The following AKAP13 variants were observed in gnomAD, a reference collection of about 807,000 sequenced individuals.
AKAP13 encodes A-kinase anchoring protein 13.
In AKAP13, 80 loss-of-function variants were observed where a neutral mutation model predicts 264.5. That is an observed-to-expected ratio of 0.30 (90% CI 0.25 to 0.36). The LOEUF (loss-of-function observed/expected upper bound fraction) is 0.36. Ranked by LOEUF, AKAP13 falls within the 10% of genes least tolerant of loss-of-function variation. AKAP13 has a pLI of 1.00. For missense variants in AKAP13, 3,712 were observed against 3,435.2 expected (o/e 1.08, Z -2.01); for synonymous variants, 1,380 against 1,250.2 (o/e 1.10, Z -2.19).
intron 8 of AKAP13, among the ~76,000 whole-genome samples, chr15:85,604,381 G>A (rs867999334): frequency 1.1e-4 from 16 of 151,840 alleles, no homozygotes; most frequent in South Asian, 2.1e-4. Flanking sequence ...AACCAAGAGA[G>A]GTGATTCATC....
chr15:85,703,628 G>A (rs1367804075), intron 17 of AKAP13, among the ~76,000 whole-genome samples: 5 of 152,144 alleles, frequency 3.3e-5, no homozygotes, highest in Non-Finnish European at 7.4e-5. Context: ...GATCACCTGA[G>A]GTTAGGAGTT....
Position 85,579,151 on chromosome 15 carries a change from G to A in AKAP13, c.1083G>A (p.Glu361=). The A allele has an allele frequency of 1.2e-6, 2 of 1,614,132 alleles. No individual in the cohort carries two copies. The highest frequency in any genetic ancestry group is 1.3e-5 in the African/African-American group (1 of 75,026). Residue 361 remains glutamate (E), a synonymous_variant, in exon 7 of 37, where the codon GAG becomes GAA. Transcript: ENST00000394518. ...CCTGTGATTTGTCAAGCATAGTTGA[G>A]GAGGAGAATACAGACCGTTCCTGTA... ...ESPCDLSSIV[E]EENTDRSCRK...
rs34426976 is a variant in AKAP13 at position 85,732,080 on chromosome 15, C to CAA, written c.7282+1390_7282+1391dup. Among the ~76,000 whole-genome samples, 520 of 114,496 alleles carry CAA rather than the reference C, an allele frequency of 4.5e-3. 3 individuals carry two copies. Among genetic ancestry groups the CAA allele is most frequent in the Middle Eastern group, 0.028 (7 of 246 alleles). The allele number at this position is 114,496 out of a possible 152,430, so 75.1% of individuals were successfully genotyped here. A position where few individuals can be genotyped will look rare whatever the true frequency, so the allele number is the denominator to read the frequency against. On this transcript the variant is annotated intron_variant, in intron 30 of 36. Coordinates refer to ENST00000394518, the MANE Select transcript of AKAP13 (RefSeq NM_007200.5). ...ATTGGGCAACAGAGCGAGACTATCT[C>CAA]AAAAAAAAAAAAAAAAAACGTTTGA...
intron 17 of AKAP13, among the ~76,000 whole-genome samples, chr15:85,697,810 C>T (rs1357695389): frequency 6.6e-6 from 1 of 152,146 alleles, no homozygotes; most frequent in Non-Finnish European, 1.5e-5. Context: ...GGGAGAGCTT[C>T]AGTCTAGAAA....
At chr15:85,695,312 G>T (rs1366697644) in intron 17 of AKAP13, among the ~76,000 whole-genome samples, 2 of 152,208 alleles carry the variant, frequency 1.3e-5, no homozygotes, top group African/African-American at 4.8e-5. Flanking sequence ...GCTGAGGCAG[G>T]AGAATTGCTT....
At chr15:85,413,675 C>T (rs550384236) in intron 1 of AKAP13, among the ~76,000 whole-genome samples, 10 of 152,294 alleles carry the variant, frequency 6.6e-5, no homozygotes, top group Non-Finnish European at 1.2e-4. Context: ...TGTGTCATCA[C>T]GGTTTCAGCT....
intron 1 of AKAP13, among the ~76,000 whole-genome samples, chr15:85,460,433 G>A (rs544603503): frequency 6.9e-4 from 105 of 152,260 alleles, no homozygotes; most frequent in Admixed American, 1.6e-3. Flanking sequence ...CATGAACCCT[G>A]TCACCCCCAG....
At chr15:85,619,513 C>CT (rs930794912) in intron 8 of AKAP13, 11 of 984,840 alleles carry the variant, frequency 1.1e-5, no homozygotes, top group Admixed American at 1.2e-4. Flanking sequence ...CCAGCTTCTA[C>CT]TTTTTTTTAA....
At chr15:85,575,077 C>G in intron 5 of AKAP13, 54 bp from the exon 6 acceptor site, 1 of 1,543,512 alleles carries the variant, frequency 6.5e-7, no homozygotes, top group Non-Finnish European at 8.9e-7. Context: ...GAACGTTAAG[C>G]CTATGCCTGG....
intron 5 of AKAP13, among the ~76,000 whole-genome samples, chr15:85,573,237 C>T (rs1166595214): frequency 6.6e-6 from 1 of 152,132 alleles, no homozygotes; most frequent in Non-Finnish European, 1.5e-5. Context: ...CTCCCAAAAT[C>T]TCAGGGATAC....
intron 1 of AKAP13, among the ~76,000 whole-genome samples, chr15:85,391,051 A>T (rs1034170347): frequency 3.9e-5 from 6 of 152,214 alleles, no homozygotes; most frequent in Admixed American, 2.0e-4. Flanking sequence ...AGTGGGAATT[A>T]GGGATATATA....
rs538251430 is a variant in AKAP13, at chr15:85,618,123, T to C, written c.4162-21251T>C. The stretch of plus-strand genomic sequence containing the variant: ...CTTTTATTTCAGAATAAAGCCTGTA[T>C]GTAGCTGGGGTGTATTAATAGAAAG... On this transcript the variant is annotated intron_variant, in intron 8 of 36. Transcript: ENST00000394518. Among the ~76,000 whole-genome samples the C allele has an allele frequency of 2.0e-5, 3 of 152,336 alleles. No individual in the cohort carries two copies. In the South Asian group the frequency reaches 6.2e-4, roughly 32 times the overall value.
chr15:85,578,452 A>G (rs1056876623), intron 6 of AKAP13, among the ~76,000 whole-genome samples: 7 of 152,026 alleles, frequency 4.6e-5, no homozygotes, highest in Admixed American at 1.3e-4. Flanking sequence ...GGTACAAGCA[A>G]TTCTCCTGCC....
Position 85,509,294 on chromosome 15 carries a change from C to T in AKAP13, c.34-12134C>T, listed in dbSNP as rs78225586. On this transcript the variant is annotated intron_variant, in intron 2 of 36. Coordinates refer to ENST00000394518, the MANE Select transcript of AKAP13 (RefSeq NM_007200.5). ...TGTGTGGCGGCTGATACCTTGTTAC[C>T]GAGTAGCATGTTGCATTTAAGAAAT... 4.4e-3 allele frequency among the ~76,000 whole-genome samples: 669 copies of T among 152,192 alleles called. 3 individuals carry two copies. Among genetic ancestry groups the T allele is most frequent in the Non-Finnish European group, 7.6e-3 (519 of 68,018 alleles).
chr15:85,390,020 A>G (rs896626431), intron 1 of AKAP13: 13 of 152,224 alleles, frequency 8.5e-5, no homozygotes, highest in Admixed American at 8.5e-4. Flanking sequence ...TTTATTTACT[A>G]TGCAGCTTTA....
intron 1 of AKAP13, among the ~76,000 whole-genome samples, chr15:85,409,656 T>C (rs1270446503): frequency 6.8e-6 from 1 of 146,624 alleles, no homozygotes; most frequent in Non-Finnish European, 1.5e-5. Flanking sequence ...AGACAGAGTC[T>C]CGCTTTGTCT....
rs139163618 is a variant in AKAP13 at position 85,718,884 on chromosome 15, G to T, written c.6002-192G>T. 5.9e-5 allele frequency: 40 copies of T among 673,916 alleles called. No individual in the cohort carries two copies. The African/African-American group carries it at 6.3e-4, about 11-fold the overall frequency. The allele number at this position is 673,916 out of a possible 1,614,324, so 41.7% of individuals were successfully genotyped here. A position where few individuals can be genotyped will look rare whatever the true frequency, so the allele number is the denominator to read the frequency against. ...CCTGCACTTCAGCCTGGGTGACAGA[G>T]CCAGAACCTGTCTTAAAAAAAAAAC... On this transcript the variant is annotated intron_variant, in intron 22 of 36. Transcript: ENST00000394518. This position sits in a 1 kb window ranked among gnomAD's most constrained non-coding sequence, Gnocchi z 4.9.
intron 17 of AKAP13, among the ~76,000 whole-genome samples, chr15:85,700,762 T>A (rs1169175133): frequency 1.3e-5 from 2 of 152,204 alleles, no homozygotes; most frequent in African/African-American, 4.8e-5. Flanking sequence ...TTCATTTGTA[T>A]TTTTCCTTCC....
chr15:85,381,521 CTT>C (rs1168869870), intron 1 of AKAP13, among the ~76,000 whole-genome samples: 282 of 64,256 alleles, frequency 4.4e-3, no homozygotes, highest in African/African-American at 0.015. Flanking sequence ...CGGTTTACTG[CTT>C]TTTTTTTTTT....
Sources: gnomAD v4.1 joint callset for allele counts (sites outside exome capture counted in the v4.1 genomes callset) on GRCh38, gnomAD v4.1.1 for gene constraint, Gnocchi (gnomAD v3.1) non-coding constraint, MANE v1.5 for transcripts, NCBI Gene and HGNC (gene_info 2026-07-23, HGNC 2026-07-21) for gene names.